RHOBTB1: variants seen among roughly 807,000 people sequenced by gnomAD.
RHOBTB1 encodes rho-related BTB domain-containing protein 1.
RHOBTB1 carries 40 observed loss-of-function variants against 71.6 expected under a neutral mutation model. That is an observed-to-expected ratio of 0.56 (90% CI 0.43 to 0.73). The LOEUF (loss-of-function observed/expected upper bound fraction) is 0.73. Ranked by LOEUF, RHOBTB1 falls within the 30% of genes least tolerant of loss-of-function variation. The pLI, the probability that RHOBTB1 is intolerant of heterozygous loss-of-function variation, is 0.00. For missense variants in RHOBTB1, 797 were observed against 894.0 expected (o/e 0.89, Z 1.38); for synonymous variants, 319 against 334.9 (o/e 0.95, Z 0.52).
intron 4 of RHOBTB1, among the ~76,000 whole-genome samples, chr10:60,907,461 C>G (rs962878874): frequency 6.6e-6 from 1 of 152,010 alleles, no homozygotes; most frequent in Non-Finnish European, 1.5e-5. Flanking sequence ...TTTAAAAGAT[C>G]CAGAAAAGAG....
chr10:60,914,313 C>A (rs916636929), intron 2 of RHOBTB1, among the ~76,000 whole-genome samples: 7 of 152,096 alleles, frequency 4.6e-5, no homozygotes, highest in African/African-American at 1.7e-4. Context: ...TAATACCTAA[C>A]CCTCTTCGAC....
intron 1 of RHOBTB1, among the ~76,000 whole-genome samples, chr10:60,999,229 G>A (rs140981074): frequency 8.8e-4 from 134 of 152,148 alleles, no homozygotes; most frequent in Non-Finnish European, 1.0e-3. Context: ...TAGCAACTGC[G>A]CATCCAAATT....
chr10:60,900,153 G>C, intron 4 of RHOBTB1, among the ~76,000 whole-genome samples: 1 of 152,190 alleles, frequency 6.6e-6, no homozygotes, highest in East Asian at 1.9e-4. Flanking sequence ...TTTGAACAGT[G>C]TCAGTCCATT....
downstream of RHOBTB1, among the ~76,000 whole-genome samples, chr10:60,865,483 C>T (rs1330634897): frequency 6.6e-6 from 1 of 152,148 alleles, no homozygotes; most frequent in Non-Finnish European, 1.5e-5. Context: ...TCTTAGTATT[C>T]AAGGAACTCT....
At chr10:60,981,296 A>G (rs1411645086) in intron 2 of RHOBTB1, among the ~76,000 whole-genome samples, 1 of 152,232 alleles carries the variant, frequency 6.6e-6, no homozygotes, top group African/African-American at 2.4e-5. Context: ...AATAATAAAG[A>G]TGATGAAAAT....
intron 2 of RHOBTB1, among the ~76,000 whole-genome samples, chr10:60,962,088 C>T (rs2085802226): frequency 6.6e-6 from 1 of 152,006 alleles, no homozygotes; most frequent in Non-Finnish European, 1.5e-5. Context: ...GATTACAGGC[C>T]TAAGCCACTG....
At chr10:60,973,326 CA>C (rs1453798185) in intron 2 of RHOBTB1, among the ~76,000 whole-genome samples, 1 of 152,006 alleles carries the variant, frequency 6.6e-6, no homozygotes, top group African/African-American at 2.4e-5. Context: ...AGGAGATCAT[CA>C]GGGGGTCATT....
At chr10:60,898,853 G>A (rs1281981724) in intron 4 of RHOBTB1, among the ~76,000 whole-genome samples, 1 of 152,162 alleles carries the variant, frequency 6.6e-6, no homozygotes, top group Non-Finnish European at 1.5e-5. Flanking sequence ...TGAAAGTGGG[G>A]CCAAAGCAAT....
intron 2 of RHOBTB1, among the ~76,000 whole-genome samples, chr10:60,961,209 A>G (rs1053259900): frequency 6.6e-5 from 10 of 152,158 alleles, no homozygotes; most frequent in Admixed American, 2.6e-4. Context: ...AATAGAGCTC[A>G]CAAAAATGTC....
At chr10:60,931,332 T>C (rs1228723515) in intron 2 of RHOBTB1, among the ~76,000 whole-genome samples, 1 of 152,178 alleles carries the variant, frequency 6.6e-6, no homozygotes, top group African/African-American at 2.4e-5. Context: ...CTAGCAGTCA[T>C]TCTTTATTCT....
chr10:60,983,516 C>A (rs1361758867), intron 2 of RHOBTB1, among the ~76,000 whole-genome samples: 2 of 151,968 alleles, frequency 1.3e-5, no homozygotes, highest in Admixed American at 6.6e-5. Flanking sequence ...TTTAGGATAT[C>A]ATTTCTTTCT....
At chr10:60,901,980 G>A (rs2082434061) in intron 4 of RHOBTB1, among the ~76,000 whole-genome samples, 1 of 152,160 alleles carries the variant, frequency 6.6e-6, no homozygotes, top group Non-Finnish European at 1.5e-5. Flanking sequence ...CCTGGCCCTG[G>A]CACATGGGTG....
intron 2 of RHOBTB1, among the ~76,000 whole-genome samples, chr10:60,933,107 G>A (rs2084355024): frequency 6.6e-6 from 1 of 152,172 alleles, no homozygotes; most frequent in African/African-American, 2.4e-5. Flanking sequence ...ATGCAAAAGT[G>A]CTGGTGGAAA....
chr10:61,001,453 C>T (rs1176635967), upstream of RHOBTB1: 1 of 151,136 alleles, frequency 6.6e-6, no homozygotes, highest in Non-Finnish European at 1.5e-5. Flanking sequence ...GCGGCCGAGG[C>T]TGGCGCGGGC....
chr10:60,867,348 C>T (rs886424736), downstream of RHOBTB1, among the ~76,000 whole-genome samples: 4 of 152,164 alleles, frequency 2.6e-5, no homozygotes, highest in African/African-American at 4.8e-5. Flanking sequence ...CTGTCCTCAT[C>T]GATTGCCTGT....
chr10:60,913,460 C>T (rs908774230), intron 2 of RHOBTB1, among the ~76,000 whole-genome samples: 1 of 152,184 alleles, frequency 6.6e-6, no homozygotes, highest in Admixed American at 6.5e-5. Flanking sequence ...ATGGTGACTC[C>T]TAAAATTGAT....
chr10:60,862,729 ATT>A, the RHOBTB1 span, among the ~76,000 whole-genome samples: 5 of 76,168 alleles, frequency 6.6e-5, no homozygotes, highest in African/African-American at 2.8e-4. Context: ...TTTCTTTCCT[ATT>A]TCTCTCTCTC....
intron 2 of RHOBTB1, among the ~76,000 whole-genome samples, chr10:60,968,284 G>A (rs543085755): frequency 9.5e-4 from 144 of 152,138 alleles, no homozygotes; most frequent in Non-Finnish European, 5.9e-4. Context: ...GTAAGTGGGC[G>A]TGGCATGTGG....
chr10:60,960,197 T>C (rs1365953750), intron 2 of RHOBTB1, among the ~76,000 whole-genome samples: 1 of 152,216 alleles, frequency 6.6e-6, no homozygotes, highest in Non-Finnish European at 1.5e-5. Context: ...TTCATTACCA[T>C]GTGCAAAAAA....
Sources: allele counts gnomAD v4.1 joint callset (sites outside exome capture counted in the v4.1 genomes callset), GRCh38; gene constraint gnomAD v4.1.1; transcripts MANE v1.5; gene names NCBI Gene and HGNC (gene_info 2026-07-23, HGNC 2026-07-21).